COL5A1: variants seen among roughly 807,000 people sequenced by gnomAD.
COL5A1 encodes collagen alpha-1(V) chain.
COL5A1 carries 16 observed loss-of-function variants against 263.7 expected under a neutral mutation model. The observed-to-expected ratio is 0.06, with a 90% confidence interval of 0.04 to 0.09. The LOEUF is 0.09. Ranked by LOEUF, COL5A1 falls within the 10% of genes least tolerant of loss-of-function variation. The pLI is 1.00. For missense variants in COL5A1, 2,036 were observed against 2,540.5 expected (o/e 0.80, Z 4.27); for synonymous variants, 1,012 against 1,004.5 (o/e 1.01, Z -0.14).
In COL5A1 at chr9:134,758,267, G is replaced by A. The variant is rs1401857518; in HGVS notation, c.1906G>A (p.Ala636Thr). 1.2e-6 allele frequency: 2 copies of A among 1,614,038 alleles called. No individual in the cohort carries two copies. The highest frequency in any genetic ancestry group is 1.6e-4 in the Middle Eastern group (1 of 6,062). The stretch of plus-strand genomic sequence containing the variant: ...GGGTGACCGGGGTTTCGACGGCCTG[G>A]CTGGGTTGCCAGGCGAGAAGGGCCA... ...PKGDRGFDGL[A>T]GLPGEKGHRG... The change falls in exon 18 of 66, where the codon GCT becomes ACT. Residue 636 changes from alanine to threonine, a missense_variant. Ala to Thr is a moderately conservative substitution (Grantham distance 58, BLOSUM62 0). This residue lies in a region of COL5A1 where 1,078 missense variants were observed against 1,521.4 expected (regional missense o/e 0.71). Transcript: ENST00000371817. This position sits in a 1 kb window ranked among gnomAD's most constrained non-coding sequence, Gnocchi z 4.1.
At chr9:134,734,713 T>C (rs1835035030) in intron 9 of COL5A1, among the ~76,000 whole-genome samples, 1 of 152,242 alleles carries the variant, frequency 6.6e-6, no homozygotes. Flanking sequence ...TTCATCCTTA[T>C]CCTTGTGCTT....
At chr9:134,685,604 CATCA>C (rs1435055925) in intron 1 of COL5A1, among the ~76,000 whole-genome samples, 39 of 109,048 alleles carry the variant, frequency 3.6e-4, no homozygotes, top group South Asian at 7.3e-4. Flanking sequence ...TCCATCCATC[CATCA>C]TCCATCCATC....
At chr9:134,689,975 C>T (rs142522741) in intron 1 of COL5A1, among the ~76,000 whole-genome samples, 5 of 152,294 alleles carry the variant, frequency 3.3e-5, no homozygotes, top group Non-Finnish European at 5.9e-5. Context: ...TTCCTGGATT[C>T]GCGCCTTGTG....
chr9:134,738,349 C>A, intron 9 of COL5A1, 125 bp from the exon 10 acceptor site: 1 of 1,076,708 alleles, frequency 9.3e-7, no homozygotes, highest in East Asian at 2.4e-5. Flanking sequence ...TCGTGACTCC[C>A]CAGGACAGCA....
At chr9:134,720,993 C>T (rs899538331) in intron 4 of COL5A1, among the ~76,000 whole-genome samples, 10 of 152,286 alleles carry the variant, frequency 6.6e-5, no homozygotes, top group South Asian at 2.1e-4. Context: ...TCCCAGTCCC[C>T]GCCAGACCCA....
intron 63 of COL5A1, among the ~76,000 whole-genome samples, chr9:134,826,506 G>C (rs979889350): frequency 5.3e-5 from 8 of 152,176 alleles, no homozygotes. Flanking sequence ...TGTGCATGTG[G>C]ATGGTGTGTG....
At chr9:134,834,141 ACCT>A (rs1839759413) in intron 64 of COL5A1, among the ~76,000 whole-genome samples, 1 of 151,586 alleles carries the variant, frequency 6.6e-6, no homozygotes, top group East Asian at 2.0e-4. Context: ...GGGCTCTAAG[ACCT>A]CCTCCTCTCA....
At chr9:134,805,262 A>G (rs965853807) in intron 41 of COL5A1, 48 bp downstream of exon 41, 12 of 1,602,892 alleles carry the variant, frequency 7.5e-6, no homozygotes, top group African/African-American at 5.4e-5. Flanking sequence ...CCTACTCTCC[A>G]GGTCAGAAGG....
chr9:134,800,209 G>C (rs1838056827), intron 37 of COL5A1, among the ~76,000 whole-genome samples: 1 of 152,220 alleles, frequency 6.6e-6, no homozygotes, highest in Non-Finnish European at 1.5e-5. Flanking sequence ...GTGGCCGAGG[G>C]CCCTGGGGAG....
intron 11 of COL5A1, among the ~76,000 whole-genome samples, chr9:134,747,989 T>TCA (rs1225584935): frequency 2.5e-5 from 3 of 121,192 alleles, no homozygotes; most frequent in Non-Finnish European, 5.2e-5. Context: ...ACACATGCAT[T>TCA]CACACACACA....
chr9:134,809,073 T>C, intron 42 of COL5A1, 110 bp from the exon 43 acceptor site: 1 of 984,266 alleles, frequency 1.0e-6, no homozygotes, highest in Non-Finnish European at 1.6e-6. Flanking sequence ...ACGGTCACCC[T>C]CACCAACTCC....
chr9:134,666,232 C>T (rs920050656), intron 1 of COL5A1, among the ~76,000 whole-genome samples: 19 of 152,220 alleles, frequency 1.2e-4, no homozygotes, highest in African/African-American at 3.9e-4. Context: ...CTGAAACTGT[C>T]GTTGCCATCC....
At chr9:134,655,550 T>C (rs1831939881) in intron 1 of COL5A1, among the ~76,000 whole-genome samples, 1 of 152,100 alleles carries the variant, frequency 6.6e-6, no homozygotes, top group Admixed American at 6.5e-5. Flanking sequence ...CTGAGAGGAC[T>C]CAGGATTCAC....
rs1832834260 is a variant in COL5A1, at chr9:134,680,907, C to T, written c.110-10005C>T. On this transcript the variant is annotated intron_variant, in intron 1 of 65. Transcript: ENST00000371817. The surrounding 1 kb of genome is among the most constrained non-coding windows in gnomAD (Gnocchi z 5.9). Reference sequence around the variant, plus strand: ...CAGGGACAGGCTGGGAGTTTGGGCTCAGGTCTCCAGGTCTCCGCCTGGCAC... The same window carrying T: ...CAGGGACAGGCTGGGAGTTTGGGCTTAGGTCTCCAGGTCTCCGCCTGGCAC... Among the ~76,000 whole-genome samples the T allele has an allele frequency of 6.6e-6, 1 of 152,144 alleles. No individual in the cohort carries two copies. Among genetic ancestry groups the T allele is most frequent in the Non-Finnish European group, 1.5e-5 (1 of 68,016 alleles).
At chr9:134,793,388 G>T (rs889487343) in intron 32 of COL5A1, among the ~76,000 whole-genome samples, 1 of 151,096 alleles carries the variant, frequency 6.6e-6, no homozygotes, top group Non-Finnish European at 1.5e-5. Flanking sequence ...GGAGGCTGGG[G>T]GGGGCATTCT....
At chr9:134,812,133 A>G (rs1346184594) in intron 46 of COL5A1, among the ~76,000 whole-genome samples, 1 of 152,192 alleles carries the variant, frequency 6.6e-6, no homozygotes, top group Non-Finnish European at 1.5e-5. Context: ...TAGTCACTGC[A>G]CAGTAAGCCA....
chr9:134,839,055 C>T (rs182522373), intron 65 of COL5A1, among the ~76,000 whole-genome samples: 15 of 152,326 alleles, frequency 9.8e-5, no homozygotes, highest in South Asian at 8.3e-4. Context: ...CTCGGGCCAG[C>T]GGCAAAAGCC....
At chr9:134,708,489 C>A (rs369857377) in intron 4 of COL5A1, 2 of 473,796 alleles carry the variant, frequency 4.2e-6, no homozygotes, top group Non-Finnish European at 8.5e-6. Context: ...CGGTCCAAGA[C>A]CCGCATCTAC....
chr9:134,764,618 T>A (rs1240062315), intron 20 of COL5A1, among the ~76,000 whole-genome samples: 2 of 152,120 alleles, frequency 1.3e-5, no homozygotes, highest in Admixed American at 1.3e-4. Flanking sequence ...CTTTAAAGCA[T>A]CTCTTTTCTC....
Sources: allele counts gnomAD v4.1 joint callset (sites outside exome capture counted in the v4.1 genomes callset), GRCh38; gene constraint gnomAD v4.1.1; regional missense constraint gnomAD v4.1.1; non-coding constraint Gnocchi (gnomAD v3.1); transcripts MANE v1.5; gene names NCBI Gene and HGNC (gene_info 2026-07-23, HGNC 2026-07-21).